Variants in DLGAP4 observed in about 807,000 individuals in gnomAD.
DLGAP4 encodes disks large-associated protein 4.
DLGAP4 carries 18 observed loss-of-function variants against 86.9 expected under a neutral mutation model. The observed-to-expected ratio is 0.21, with a 90% CI of 0.14 to 0.31. DLGAP4 has a LOEUF of 0.31. Among genes scored for constraint, DLGAP4 ranks in the 10% least tolerant of loss-of-function variants. The pLI, the probability that DLGAP4 is intolerant of heterozygous loss-of-function variation, is 1.00. For synonymous variants in DLGAP4, 548 were observed against 574.3 expected (o/e 0.95, Z 0.65); for missense variants, 1,085 against 1,362.6 (o/e 0.80, Z 3.21).
intron 2 of DLGAP4, among the ~76,000 whole-genome samples, chr20:36,427,807 G>A (rs2033018795): frequency 6.6e-6 from 1 of 151,938 alleles, no homozygotes; most frequent in Non-Finnish European, 1.5e-5. Context: ...GCTGGGCGTG[G>A]TGGTGCGTGC....
intron 1 of DLGAP4, among the ~76,000 whole-genome samples, chr20:36,349,342 C>T (rs538838737): frequency 7.1e-4 from 107 of 150,500 alleles, no homozygotes; most frequent in Non-Finnish European, 1.0e-3. Flanking sequence ...GGCATGAACC[C>T]GGGAGGCGGA....
intron 1 of DLGAP4, among the ~76,000 whole-genome samples, chr20:36,362,617 G>T (rs976836333): frequency 2.0e-5 from 3 of 152,228 alleles, no homozygotes; most frequent in East Asian, 3.8e-4. Flanking sequence ...GAAAATATTT[G>T]TTCAATGAAG....
intron 2 of DLGAP4, among the ~76,000 whole-genome samples, chr20:36,396,361 C>T (rs1482687417): frequency 2.9e-5 from 1 of 34,504 alleles, no homozygotes; most frequent in African/African-American, 1.9e-4. Context: ...ACATACCACA[C>T]GCACATACAC....
chr20:36,465,227 T>A (rs1971744203), intron 7 of DLGAP4: 1 of 150,674 alleles, frequency 6.6e-6, no homozygotes, highest in Non-Finnish European at 1.5e-5. Context: ...CTGTGGCTAT[T>A]CTAATAGTAA....
intron 4 of DLGAP4, 56 bp downstream of exon 4, chr20:36,436,406 C>T (rs2033278815): frequency 6.0e-6 from 9 of 1,510,050 alleles, no homozygotes; most frequent in African/African-American, 1.4e-5. Context: ...CCGCCCACTA[C>T]GAGTCTTGCT....
At chr20:36,388,224 G>A (rs1004520684) in intron 2 of DLGAP4, among the ~76,000 whole-genome samples, 2 of 152,056 alleles carry the variant, frequency 1.3e-5, no homozygotes, top group African/African-American at 2.4e-5. Flanking sequence ...TGTTCTCTTC[G>A]CACTCTGCTT....
At chr20:36,461,751 G>GCCCCC in intron 7 of DLGAP4, 1 of 618,844 alleles carries the variant, frequency 1.6e-6, no homozygotes, top group Non-Finnish European at 1.9e-6. Flanking sequence ...CCGTCCGTCC[G>GCCCCC]CCCGCCCGCC....
chr20:36,486,471 A>C (rs540308790), intron 7 of DLGAP4, among the ~76,000 whole-genome samples: 6 of 150,848 alleles, frequency 4.0e-5, no homozygotes, highest in African/African-American at 1.5e-4. Flanking sequence ...GCAGGTCCAA[A>C]GGCCCCACGT....
intron 1 of DLGAP4, among the ~76,000 whole-genome samples, chr20:36,309,487 A>G (rs2065034280): frequency 6.6e-6 from 1 of 152,180 alleles, no homozygotes; most frequent in South Asian, 2.1e-4. Context: ...ATGACTGTCC[A>G]TGTGCGTTCC....
At chr20:36,503,151 A>G (rs954644145) in intron 10 of DLGAP4, among the ~76,000 whole-genome samples, 2 of 151,814 alleles carry the variant, frequency 1.3e-5, no homozygotes, top group African/African-American at 4.8e-5. Context: ...TTTCTTCCTC[A>G]TGTTTTTTGT....
chr20:36,449,145 T>C (rs902516562), intron 7 of DLGAP4, among the ~76,000 whole-genome samples: 5 of 152,194 alleles, frequency 3.3e-5, no homozygotes, highest in African/African-American at 9.6e-5. Flanking sequence ...TCTCGCACCC[T>C]GCAGGGTCCC....
chr20:36,493,503 C>T (rs964702116), intron 7 of DLGAP4, among the ~76,000 whole-genome samples: 1 of 152,256 alleles, frequency 6.6e-6, no homozygotes, highest in African/African-American at 2.4e-5. Flanking sequence ...GCCCAGAGGG[C>T]AAGCAGGAGC....
chr20:36,424,496 T>G (rs1297034374), intron 2 of DLGAP4, among the ~76,000 whole-genome samples: 5 of 152,132 alleles, frequency 3.3e-5, no homozygotes, highest in Non-Finnish European at 7.4e-5. Flanking sequence ...GGGTGAGGCA[T>G]CTCCCTTTGG....
intron 1 of DLGAP4, among the ~76,000 whole-genome samples, chr20:36,341,795 G>C (rs1341429075): frequency 1.3e-5 from 2 of 152,196 alleles, no homozygotes; most frequent in African/African-American, 4.8e-5. Context: ...GACATCGGGG[G>C]AAGGGCGGGC....
chr20:36,403,616 A>G (rs1255816284), intron 2 of DLGAP4, among the ~76,000 whole-genome samples: 1 of 152,280 alleles, frequency 6.6e-6, no homozygotes, highest in African/African-American at 2.4e-5. Flanking sequence ...GAAGTATACA[A>G]GCAAACTCAA....
At position 36,449,711 on chromosome 20, in the gene DLGAP4, C is replaced by G. The variant is rs533246971; in HGVS notation, c.1648+2774C>G. On this transcript the variant is annotated intron_variant, in intron 7 of 12. Transcript: ENST00000339266. Reference sequence around the variant, plus strand: ...CCCCTAGCAATTCTCTTCAAATAAACCATCCCTCACCAGTTTTTCCAACCC... The same window carrying G: ...CCCCTAGCAATTCTCTTCAAATAAAGCATCCCTCACCAGTTTTTCCAACCC... 4.6e-5 allele frequency among the ~76,000 whole-genome samples: 7 copies of G among 152,312 alleles called. No homozygotes were observed. In the East Asian group the frequency reaches 1.2e-3, roughly 25 times the overall value.
intron 1 of DLGAP4, among the ~76,000 whole-genome samples, chr20:36,324,876 T>C (rs1422131178): frequency 6.6e-6 from 1 of 152,250 alleles, no homozygotes; most frequent in Non-Finnish European, 1.5e-5. Flanking sequence ...TACATATTTT[T>C]CAATGGTATT....
chr20:36,475,412 T>C (rs753600850), intron 7 of DLGAP4, among the ~76,000 whole-genome samples: 5 of 152,244 alleles, frequency 3.3e-5, no homozygotes, highest in Admixed American at 1.3e-4. Flanking sequence ...GATTTTGCCA[T>C]GTTGACCAGG....
At chr20:36,446,573 CAG>C (rs2033596743) in intron 6 of DLGAP4, 122 bp from the exon 7 acceptor site, 11 of 840,186 alleles carry the variant, frequency 1.3e-5, no homozygotes, top group Non-Finnish European at 2.0e-5. Flanking sequence ...GTGAGATGGA[CAG>C]GGGTGGGCTG....
Sources: allele counts gnomAD v4.1 joint callset (sites outside exome capture counted in the v4.1 genomes callset), GRCh38; gene constraint gnomAD v4.1.1; transcripts MANE v1.5; gene names NCBI Gene and HGNC (gene_info 2026-07-23, HGNC 2026-07-21).